CCDC82: variants seen among roughly 807,000 people sequenced by gnomAD.
CCDC82 encodes the protein coiled-coil domain containing 82, also known as coiled-coil domain-containing protein 82.
In CCDC82, 47 loss-of-function variants were observed where a neutral mutation model predicts 60.6. The ratio of observed to expected loss-of-function variants is 0.77; its 90% CI spans 0.61 to 0.99. CCDC82 has a LOEUF of 0.99. Ranked by LOEUF, CCDC82 falls within the 50% of genes least tolerant of loss-of-function variation. The pLI is 0.00. For missense variants in CCDC82, 588 were observed against 633.0 expected, an observed-to-expected ratio of 0.93 and a Z score of 0.76; for synonymous variants, 212 against 207.4, an observed-to-expected ratio of 1.02 and a Z score of -0.19.
At chr11:96,386,506 G>C (rs1866205394) in intron 2 of CCDC82, 1 of 152,118 alleles carries the variant, frequency 6.6e-6, no homozygotes, top group South Asian at 2.1e-4. Flanking sequence ...CCAGGCTGGA[G>C]TGCAGTGGCA....
At chr11:96,369,122 T>C (rs949413349) in intron 7 of CCDC82, among the ~76,000 whole-genome samples, 1 of 152,206 alleles carries the variant, frequency 6.6e-6, no homozygotes, top group Non-Finnish European at 1.5e-5. Flanking sequence ...TGAGCATTCA[T>C]GGAATTGAAG....
intron 6 of CCDC82, among the ~76,000 whole-genome samples, chr11:96,371,875 G>A (rs935428495): frequency 6.6e-6 from 1 of 152,108 alleles, no homozygotes; most frequent in African/African-American, 2.4e-5. Context: ...CTGCCTTTCT[G>A]ATTTGGCTCA....
intron 5 of CCDC82, among the ~76,000 whole-genome samples, chr11:96,379,485 G>T (rs1456831989): frequency 6.6e-6 from 1 of 151,750 alleles, no homozygotes; most frequent in Non-Finnish European, 1.5e-5. Context: ...TTCCTATAAG[G>T]TGTCACGAAC....
chr11:96,361,601 A>C (rs1722890380), intron 8 of CCDC82, among the ~76,000 whole-genome samples: 1 of 152,166 alleles, frequency 6.6e-6, no homozygotes, highest in Admixed American at 6.5e-5. Flanking sequence ...TAGGTGTAAT[A>C]CTCCAAGTGA....
In CCDC82 at chr11:96,373,461, A is replaced by G. The variant is rs749100479; in HGVS notation, c.998T>C (p.Phe333Ser). 1.9e-6 allele frequency: 3 copies of G among 1,575,870 alleles called. No homozygotes were observed. The Admixed American group carries it at 5.3e-5, about 28-fold the overall frequency. ...TTCAAAATGAGTATAGTGGTCACTA[A>G]AAGAATCTGAAATTAATTTCAAATA... ...KLVKQNSLYS[F>S]SDHYTHFERV... Residue 333 changes from phenylalanine (F) to serine (S), a missense_variant, in exon 6 of 10, where the codon TTT (phenylalanine) becomes TCT (serine). Transcript: ENST00000646818.
At chr11:96,371,512 G>A (rs1387342986) in intron 6 of CCDC82, among the ~76,000 whole-genome samples, 1 of 152,196 alleles carries the variant, frequency 6.6e-6, no homozygotes, top group Admixed American at 6.5e-5. Context: ...AACCCGGGAG[G>A]GGGAGCTTAT....
intron 6 of CCDC82, 66 bp from the exon 7 acceptor site, chr11:96,371,203 C>G: frequency 9.0e-7 from 1 of 1,109,240 alleles, no homozygotes; most frequent in Non-Finnish European, 1.2e-6. Flanking sequence ...CTATTTAATA[C>G]TTAAAAATTT....
intron 7 of CCDC82, among the ~76,000 whole-genome samples, chr11:96,365,440 C>G (rs1409985023): frequency 6.6e-6 from 1 of 152,094 alleles, no homozygotes; most frequent in Non-Finnish European, 1.5e-5. Context: ...TTTCTCATCT[C>G]TAGTTAGTGT....
At chr11:96,385,769 G>A (rs1222404914) in intron 3 of CCDC82, 1 of 152,180 alleles carries the variant, frequency 6.6e-6, no homozygotes, top group South Asian at 2.1e-4. Context: ...ATTATCACAA[G>A]TATATATTAA....
intron 5 of CCDC82, among the ~76,000 whole-genome samples, chr11:96,374,528 G>C (rs1468352300): frequency 1.3e-5 from 2 of 152,158 alleles, no homozygotes; most frequent in African/African-American, 4.8e-5. Context: ...GACAATAGCA[G>C]ATCATTTGGC....
chr11:96,377,013 C>G (rs547135476), intron 5 of CCDC82, among the ~76,000 whole-genome samples: 1 of 152,142 alleles, frequency 6.6e-6, no homozygotes, highest in African/African-American at 2.4e-5. Context: ...TCTCCCACAA[C>G]CCCCAGGAGG....
At position 96,389,835 on chromosome 11, in the gene CCDC82, C is replaced by G. The variant is rs1287442182; in HGVS notation, c.-139+9G>C. 6.5e-6 allele frequency: 1 copy of G among 153,400 alleles called. No homozygotes were observed. Among genetic ancestry groups the G allele is most frequent in the Non-Finnish European group, 1.4e-5 (1 of 69,020 alleles). The allele number at this position is 153,400 out of a possible 1,614,324, so 9.5% of individuals were successfully genotyped here. Reference sequence around the variant, plus strand: ...GGGAGACAGCCCCGCACCGCCCTCGCGCTCTCACCTTTCAAAGCGCCTCCA... The same window carrying G: ...GGGAGACAGCCCCGCACCGCCCTCGGGCTCTCACCTTTCAAAGCGCCTCCA... On this transcript the variant is annotated intron_variant, in intron 1 of 9. Coordinates refer to ENST00000646818, the MANE Select transcript of CCDC82 (RefSeq NM_024725.4).
At chr11:96,360,547 G>A (rs1406570801) in intron 8 of CCDC82, among the ~76,000 whole-genome samples, 1 of 152,032 alleles carries the variant, frequency 6.6e-6, no homozygotes, top group Middle Eastern at 3.4e-3. Flanking sequence ...CATCAGAAAG[G>A]GCTCCAAACA....
At chr11:96,370,254 T>G (rs971935598) in intron 7 of CCDC82, among the ~76,000 whole-genome samples, 8 of 152,136 alleles carry the variant, frequency 5.3e-5, no homozygotes, top group Non-Finnish European at 1.2e-4. Context: ...AAACTTCAAT[T>G]ATCTTTTTAT....
At chr11:96,374,175 C>G (rs937985269) in intron 5 of CCDC82, among the ~76,000 whole-genome samples, 1 of 152,140 alleles carries the variant, frequency 6.6e-6, no homozygotes, top group Non-Finnish European at 1.5e-5. Flanking sequence ...ATTCCTTGAT[C>G]CAACAGTCAC....
At chr11:96,363,874 C>T (rs1202392354) in intron 8 of CCDC82, 1 of 152,098 alleles carries the variant, frequency 6.6e-6, no homozygotes, top group Non-Finnish European at 1.5e-5. Context: ...AGCATTTTCC[C>T]ATATATTTGT....
At chr11:96,383,835 T>TTTATTTTTTAATCAAGTATTCTTGA in intron 4 of CCDC82, 127 bp downstream of exon 4, 1 of 852,718 alleles carries the variant, frequency 1.2e-6, no homozygotes, top group Non-Finnish European at 1.8e-6. Context: ...TGTTCAAGAA[T>TTTATTTTTTAATCAAGTATTCTTGA]ACTTGATTAA....
intron 6 of CCDC82, among the ~76,000 whole-genome samples, chr11:96,371,901 A>T (rs1865294265): frequency 6.6e-6 from 1 of 152,222 alleles, no homozygotes; most frequent in Non-Finnish European, 1.5e-5. Context: ...TATTCTCTAT[A>T]TACATCTGTC....
At chr11:96,358,573 C>T (rs1864463624) in intron 9 of CCDC82, 1 of 1,235,036 alleles carries the variant, frequency 8.1e-7, no homozygotes, top group Non-Finnish European at 1.0e-6. Flanking sequence ...ATCCTTTCCT[C>T]AGACTGGCAC....
Sources: gnomAD v4.1 joint callset for allele counts (sites outside exome capture counted in the v4.1 genomes callset) on GRCh38, gnomAD v4.1.1 for gene constraint, MANE v1.5 for transcripts, NCBI Gene and HGNC (gene_info 2026-07-23, HGNC 2026-07-21) for gene names.